The following DNAH5 variants were observed in gnomAD, a reference collection of about 807,000 sequenced individuals.
The protein encoded by DNAH5 is axonemal beta dynein heavy chain 5.
In DNAH5, 372 loss-of-function variants were observed where a neutral mutation model predicts 518.2. The ratio of observed to expected loss-of-function variants is 0.72; its 90% CI spans 0.66 to 0.78. DNAH5 has a LOEUF of 0.78. DNAH5 is among the 30% of genes least tolerant of loss of function. The pLI is 0.00. For missense variants in DNAH5, 5,523 were observed against 5,687.0 expected (o/e 0.97, Z 0.93); for synonymous variants, 2,039 against 2,025.9 (o/e 1.01, Z -0.17).
intron 75 of DNAH5, among the ~76,000 whole-genome samples, chr5:13,709,329 T>C (rs1743192241): frequency 6.6e-6 from 1 of 152,180 alleles, no homozygotes; most frequent in South Asian, 2.1e-4. Context: ...TAAAACTATA[T>C]GGAAAATCAG....
intron 7 of DNAH5, among the ~76,000 whole-genome samples, chr5:13,918,747 C>T (rs1041957083): frequency 4.6e-5 from 7 of 152,170 alleles, no homozygotes; most frequent in African/African-American, 9.6e-5. Context: ...GGATTACAGG[C>T]GTGAGCCACC....
Position 13,758,947 on chromosome 5 carries a change from C to T in DNAH5, c.10318G>A (p.Ala3440Thr). The change falls in exon 61 of 79, where the codon GCC (alanine) becomes ACC (threonine). Residue 3440 changes from alanine (A) to threonine (T), a missense_variant. Around this residue, in one of 3 missense-constraint regions of DNAH5, gnomAD observed 5,121 missense variants for 5,223.3 expected, o/e 0.98. Transcript: ENST00000265104. ...LVVQENRHLLAMQDLQKAQAE... is the reference protein window; with the variant it reads ...LVVQENRHLLTMQDLQKAQAE... ...TGGGCTTTCTGCAGATCCTGCATGG[C>T]CAGGAGATGGCGATTCTCTTGCACC... is the stretch of plus-strand genomic sequence containing the variant. 6.2e-7 allele frequency: 1 copy of T among 1,614,158 alleles called. No individual in the cohort carries two copies. The highest frequency in any genetic ancestry group is 8.5e-7 in the Non-Finnish European group (1 of 1,180,018).
intron 1 of DNAH5, among the ~76,000 whole-genome samples, chr5:13,975,744 G>A (rs941112221): frequency 6.6e-6 from 1 of 152,164 alleles, no homozygotes; most frequent in Non-Finnish European, 1.5e-5. Context: ...TCTAGTATTT[G>A]TGCTCTTTTG....
chr5:13,988,866 A>G (rs1447724522), intron 1 of DNAH5, among the ~76,000 whole-genome samples: 4 of 151,536 alleles, frequency 2.6e-5, no homozygotes, highest in Non-Finnish European at 4.4e-5. Flanking sequence ...AGCTGGGATT[A>G]CAGGTGCCTG....
intron 47 of DNAH5, among the ~76,000 whole-genome samples, chr5:13,800,294 G>A (rs1443809902): frequency 1.3e-5 from 2 of 152,084 alleles, no homozygotes; most frequent in Non-Finnish European, 2.9e-5. Flanking sequence ...ATCCATTTGG[G>A]GCTGTTCGAA....
At chr5:13,946,561 G>A (rs572887738), upstream of DNAH5, among the ~76,000 whole-genome samples, 2 of 152,296 alleles carry the variant, frequency 1.3e-5, no homozygotes, top group African/African-American at 4.8e-5. Context: ...AACATTGTTC[G>A]GTAGGAAACT....
chr5:13,796,420 A>G (rs961335384), intron 47 of DNAH5, among the ~76,000 whole-genome samples: 2 of 152,310 alleles, frequency 1.3e-5, no homozygotes, highest in East Asian at 1.9e-4. Context: ...ACAAACAGAG[A>G]GCCAAATCAT....
At chr5:13,884,938 C>T (rs774670938) in intron 19 of DNAH5, 51 bp downstream of exon 19, 1 of 1,612,560 alleles carries the variant, frequency 6.2e-7, no homozygotes, top group African/African-American at 1.3e-5. Context: ...ACACACATAC[C>T]CCAGCAACTA....
chr5:13,837,548 C>T (rs1449457390), intron 35 of DNAH5, among the ~76,000 whole-genome samples: 1 of 140,502 alleles, frequency 7.1e-6, no homozygotes, highest in Non-Finnish European at 1.5e-5. Flanking sequence ...GAGATGAATG[C>T]GTCTATCTTC....
At chr5:13,735,348 C>G (rs1403977967) in intron 67 of DNAH5, 27 bp from the exon 68 acceptor site, 3 of 1,597,484 alleles carry the variant, frequency 1.9e-6, no homozygotes, top group Non-Finnish European at 2.6e-6. Flanking sequence ...TTAAATCAGG[C>G]TTATCCCACT....
At chr5:14,002,402 A>G (rs1005782770) in intron 1 of DNAH5, among the ~76,000 whole-genome samples, 19 of 152,192 alleles carry the variant, frequency 1.2e-4, no homozygotes, top group Non-Finnish European at 2.5e-4. Context: ...ACATAAATGT[A>G]CTTTTAAAGT....
chr5:13,696,796 A>G (rs1052991461), intron 78 of DNAH5, among the ~76,000 whole-genome samples: 1 of 152,120 alleles, frequency 6.6e-6, no homozygotes, highest in Non-Finnish European at 1.5e-5. Flanking sequence ...GTTTCCACCA[A>G]CTCTTACTGA....
chr5:13,772,429 C>T (rs1202600305), intron 55 of DNAH5, among the ~76,000 whole-genome samples: 1 of 152,064 alleles, frequency 6.6e-6, no homozygotes, highest in Non-Finnish European at 1.5e-5. Flanking sequence ...TTCCACAGAC[C>T]CAGGATCTCT....
At chr5:13,724,674 A>T (rs2126548985) in intron 70 of DNAH5, among the ~76,000 whole-genome samples, 1 of 152,316 alleles carries the variant, frequency 6.6e-6, no homozygotes, top group South Asian at 2.1e-4. Context: ...TGTTTGGGTC[A>T]TAGAGGTGAG....
rs200452908 is a variant in DNAH5, at chr5:13,911,445, G to T, written c.1585C>A (p.Arg529=). 2 of 1,613,858 alleles carry T rather than the reference G, an allele frequency of 1.2e-6. No individual in the cohort carries two copies. The highest frequency in any genetic ancestry group is 1.7e-6 in the Non-Finnish European group (2 of 1,179,994). Residue 529 remains arginine (R), a synonymous_variant, in exon 12 of 79, where the codon CGG becomes AGG. Coordinates refer to ENST00000265104, the MANE Select transcript of DNAH5 (RefSeq NM_001369.3). ...TAATCTTGGTCAAAATCCATTTTCC[G>T]CTGGTCTAGGAAATTGTATTCCTTT... is the stretch of plus-strand genomic sequence containing the variant. ...KKKEYNFLDQ[R]KMDFDQDYEE...
chr5:13,934,704 T>C (rs766665994), intron 1 of DNAH5, among the ~76,000 whole-genome samples: 3 of 152,168 alleles, frequency 2.0e-5, no homozygotes, highest in Non-Finnish European at 4.4e-5. Context: ...TGAAAGGTTA[T>C]TGCTACACCT....
chr5:13,892,858 C>T (rs952470962), intron 16 of DNAH5, among the ~76,000 whole-genome samples: 5 of 152,112 alleles, frequency 3.3e-5, no homozygotes, highest in Admixed American at 6.5e-5. Flanking sequence ...GCAAGGAAAT[C>T]GGGTTCTAAA....
At chr5:13,876,867 T>G in intron 21 of DNAH5, 50 bp from the exon 22 acceptor site, 1 of 1,574,948 alleles carries the variant, frequency 6.3e-7, no homozygotes, top group Non-Finnish European at 8.7e-7. Context: ...CACAAGAATG[T>G]ACTTTCAGGA....
At chr5:13,965,154 C>A (rs1455533179) in intron 1 of DNAH5, among the ~76,000 whole-genome samples, 1 of 152,156 alleles carries the variant, frequency 6.6e-6, no homozygotes, top group Non-Finnish European at 1.5e-5. Context: ...AGAACTCTCT[C>A]CCATTCTACC....
Sources: allele counts gnomAD v4.1 joint callset (sites outside exome capture counted in the v4.1 genomes callset), GRCh38; gene constraint gnomAD v4.1.1; regional missense constraint gnomAD v4.1.1; transcripts MANE v1.5; gene names NCBI Gene and HGNC (gene_info 2026-07-23, HGNC 2026-07-21).